Variants in USP37 observed in about 807,000 individuals in gnomAD.
USP37 encodes the protein ubiquitin carboxyl-terminal hydrolase 37.
In USP37, 27 loss-of-function variants were observed where a neutral mutation model predicts 124.0. The observed-to-expected ratio is 0.22, with a 90% CI of 0.16 to 0.30. USP37 has a LOEUF of 0.30. Ranked by LOEUF, USP37 falls within the 10% of genes least tolerant of loss-of-function variation. The pLI, the probability that USP37 is intolerant of heterozygous loss-of-function variation, is 1.00. For missense variants in USP37, 889 were observed against 1,140.4 expected (o/e 0.78, Z 3.17); for synonymous variants, 365 against 388.0 (o/e 0.94, Z 0.70).
Position 218,482,071 on chromosome 2 carries a change from T to C in USP37, c.1834A>G (p.Ile612Val), listed in dbSNP as rs1691299693. The C allele has an allele frequency of 1.2e-6, 2 of 1,605,726 alleles. No homozygotes were observed. Among genetic ancestry groups the C allele is most frequent in the Non-Finnish European group, 1.7e-6 (2 of 1,175,014 alleles). Residue 612 changes from isoleucine to valine, a missense_variant and splice_region_variant, in exon 17 of 26, where the codon ATT becomes GTT. Physicochemically the swap from Ile to Val is conservative, Grantham distance 29. Around this residue, in one of 3 missense-constraint regions of USP37, gnomAD observed 504 missense variants for 714.3 expected, o/e 0.71. Transcript: ENST00000258399. ...FTLGWSAHMAISRPLKASQMV... is the reference protein window; with the variant it reads ...FTLGWSAHMAVSRPLKASQMV... Reference sequence around the variant, plus strand: ...AGACATAGTCTCTCAAGGACTTACATTGCCATATGTGCACTCCAACCAAGG... The same window carrying C: ...AGACATAGTCTCTCAAGGACTTACACTGCCATATGTGCACTCCAACCAAGG...
intron 21 of USP37, among the ~76,000 whole-genome samples, chr2:218,463,940 C>T (rs1020970513): frequency 1.3e-5 from 2 of 148,782 alleles, no homozygotes; most frequent in Non-Finnish European, 3.0e-5. Context: ...ACTGCATCCT[C>T]TACCTCCCAG....
At chr2:218,544,090 T>C (rs984536354) in intron 8 of USP37, among the ~76,000 whole-genome samples, 2 of 151,574 alleles carry the variant, frequency 1.3e-5, no homozygotes, top group African/African-American at 2.4e-5. Flanking sequence ...AAAAAGTATA[T>C]TAAAACAGGC....
chr2:218,567,531 G>C (rs923119847), intron 1 of USP37, among the ~76,000 whole-genome samples: 1 of 151,990 alleles, frequency 6.6e-6, no homozygotes, highest in Non-Finnish European at 1.5e-5. Flanking sequence ...TTCCCTCTCA[G>C]GTATCTCTTC....
intron 11 of USP37, among the ~76,000 whole-genome samples, chr2:218,506,513 A>G (rs997285340): frequency 4.0e-5 from 6 of 148,296 alleles, no homozygotes; most frequent in African/African-American, 1.2e-4. Flanking sequence ...TTGGTCTCGA[A>G]CTCCTGACCT....
In USP37 at chr2:218,564,195, T is replaced by C. The variant is rs1169182634; in HGVS notation, c.-229-1382A>G. ...ATCTACTCAAATCCCAGATTTTCAATAGCTACTACTCTCAGAAACTCATCA... is the reference window on the plus strand; with the variant it reads ...ATCTACTCAAATCCCAGATTTTCAACAGCTACTACTCTCAGAAACTCATCA... On this transcript the variant is annotated intron_variant, in intron 1 of 25. Transcript: ENST00000258399. 2.0e-5 allele frequency among the ~76,000 whole-genome samples: 3 copies of C among 152,250 alleles called. 1 individual carries two copies. Among genetic ancestry groups the C allele is most frequent in the South Asian group, 4.1e-4 (2 of 4,836 alleles).
At chr2:218,463,567 G>C (rs1210559945) in intron 21 of USP37, among the ~76,000 whole-genome samples, 2 of 126,764 alleles carry the variant, frequency 1.6e-5, no homozygotes, top group Admixed American at 9.7e-5. Flanking sequence ...ACGGAGTCTC[G>C]CTCTGTCCCC....
In USP37 at chr2:218,455,710, T is replaced by C. The variant is rs138466543; in HGVS notation, c.2722A>G (p.Ile908Val). The change falls in exon 25 of 26, where the codon ATT (isoleucine) becomes GTT (valine). Residue 908 changes from isoleucine (I) to valine (V), a missense_variant. Ile to Val is a conservative substitution (Grantham distance 29). This residue lies in a region of USP37 where 504 missense variants were observed against 714.3 expected (regional missense o/e 0.71). Transcript: ENST00000258399. Reference protein sequence around the residue: ...IGSTSSSGHYISDVYDIKKQA... With the variant: ...IGSTSSSGHYVSDVYDIKKQA... ...TTCTTAATGTCATATACATCACTAA[T>C]GTAATGACCTGAAACAAATAACATC... 6.2e-6 allele frequency: 10 copies of C among 1,611,012 alleles called. No homozygotes were observed. In the East Asian group the frequency reaches 8.9e-5, roughly 14 times the overall value.
At chr2:218,529,334 T>A (rs1296093034) in intron 10 of USP37, among the ~76,000 whole-genome samples, 1 of 152,196 alleles carries the variant, frequency 6.6e-6, no homozygotes. Flanking sequence ...GCTAAAATCC[T>A]GTCTCTACAA....
chr2:218,506,849 T>C (rs1574899530), intron 11 of USP37, among the ~76,000 whole-genome samples: 1 of 151,948 alleles, frequency 6.6e-6, no homozygotes, highest in Non-Finnish European at 1.5e-5. Flanking sequence ...CAGGCTGGAG[T>C]GCAGTGGCGC....
intron 15 of USP37, 40 bp from the exon 16 acceptor site, chr2:218,485,783 G>T (rs1178367427): frequency 1.3e-6 from 2 of 1,571,570 alleles, no homozygotes; most frequent in African/African-American, 2.7e-5. Flanking sequence ...AGGTGAATCA[G>T]CATTAGTATC....
Position 218,454,996 on chromosome 2 carries a change from C to T in USP37, c.2874G>A (p.Leu958=), listed in dbSNP as rs1398780381. 3 of 1,613,976 alleles carry T rather than the reference C, an allele frequency of 1.9e-6. No individual in the cohort carries two copies. The South Asian group carries it at 3.3e-5, about 18-fold the overall frequency. ...GTGACTGAGAGTTCTTTTCTGTTTC[C>T]AGCAGCTCATCAAAGATCTCCCTTA... ...YMHKEIFDEL[L]ETEKNSQSLS... The change falls in exon 26 of 26, where the codon CTG becomes CTA. Residue 958 remains leucine, a synonymous_variant. Coordinates refer to ENST00000258399, the MANE Select transcript of USP37 (RefSeq NM_020935.3).
At chr2:218,505,415 T>C (rs1689625634) in intron 11 of USP37, among the ~76,000 whole-genome samples, 1 of 152,222 alleles carries the variant, frequency 6.6e-6, no homozygotes, top group South Asian at 2.1e-4. Flanking sequence ...ATTTACGTTT[T>C]TGTCAATGTT....
intron 16 of USP37, among the ~76,000 whole-genome samples, chr2:218,484,451 G>A (rs767488894): frequency 1.3e-5 from 2 of 151,746 alleles, no homozygotes; most frequent in South Asian, 2.1e-4. Context: ...GCAAAACCCC[G>A]TCTCTACTAA....
At chr2:218,556,072 C>G (rs1692952526) in intron 4 of USP37, among the ~76,000 whole-genome samples, 2 of 152,116 alleles carry the variant, frequency 1.3e-5, no homozygotes, top group Non-Finnish European at 1.5e-5. Flanking sequence ...CTGCCTAGCC[C>G]CAAAGAAATG....
chr2:218,488,455 G>GAA, intron 14 of USP37, 34 bp from the exon 15 acceptor site: 2 of 1,414,096 alleles, frequency 1.4e-6, no homozygotes, highest in Non-Finnish European at 2.0e-6. Context: ...TAAGCATTTA[G>GAA]ACCAATACAC....
Position 218,553,700 on chromosome 2 carries a change from C to T in USP37, c.181G>A (p.Val61Met), listed in dbSNP as rs751739002. ...TGTTTCGCTCCACTGGGTCGAAGCA[C>T]CACATTTTTAATGTTATGACTTAGC... ...FQLSHNIKNVVLRPSGAKQSR... is the reference protein window; with the variant it reads ...FQLSHNIKNVMLRPSGAKQSR... Residue 61 changes from valine (V) to methionine (M), a missense_variant, in exon 5 of 26, where the codon GTG becomes ATG. Val to Met is a conservative substitution (Grantham distance 21, BLOSUM62 1). Transcript: ENST00000258399. 1 of 1,610,828 alleles carries T rather than the reference C, an allele frequency of 6.2e-7. No homozygotes were observed. Among genetic ancestry groups the T allele is most frequent in the Non-Finnish European group, 8.5e-7 (1 of 1,178,318 alleles).
intron 11 of USP37, chr2:218,500,807 T>G (rs1410658463): frequency 6.6e-6 from 1 of 151,360 alleles, no homozygotes; most frequent in East Asian, 2.0e-4. Context: ...TTTTGAGAGC[T>G]TGTTTGGAGT....
intron 8 of USP37, among the ~76,000 whole-genome samples, chr2:218,535,741 T>C (rs1691596558): frequency 6.6e-6 from 1 of 151,228 alleles, no homozygotes; most frequent in South Asian, 2.1e-4. Context: ...TGTAGTCCCA[T>C]CTACGCAGGA....
chr2:218,463,777 C>T (rs1323227173), intron 21 of USP37, among the ~76,000 whole-genome samples: 8 of 147,774 alleles, frequency 5.4e-5, no homozygotes, highest in Non-Finnish European at 7.5e-5. Context: ...CCTTGTGATC[C>T]GCCCACCTCG....
Sources: gnomAD v4.1 joint callset for allele counts (sites outside exome capture counted in the v4.1 genomes callset) on GRCh38, gnomAD v4.1.1 for gene constraint, gnomAD v4.1.1 regional missense constraint, MANE v1.5 for transcripts, NCBI Gene and HGNC (gene_info 2026-07-23, HGNC 2026-07-21) for gene names.